Variants in ZGPAT observed in about 807,000 individuals in gnomAD.
ZGPAT encodes zinc finger CCCH-type with G patch domain-containing protein.
ZGPAT carries 39 observed loss-of-function variants against 47.9 expected under a neutral mutation model. The ratio of observed to expected loss-of-function variants is 0.81; its 90% CI spans 0.63 to 1.06. The LOEUF is 1.06. Among genes scored for constraint, ZGPAT ranks in the 50% least tolerant of loss-of-function variants. The pLI, the probability that ZGPAT is intolerant of heterozygous loss-of-function variation, is 0.00. For synonymous variants in ZGPAT, 348 were observed against 292.9 expected (o/e 1.19, Z -1.92); for missense variants, 717 against 681.4 (o/e 1.05, Z -0.58).
At chr20:63,719,451 T>G (rs1335671774) in intron 2 of ZGPAT, among the ~76,000 whole-genome samples, 1 of 152,162 alleles carries the variant, frequency 6.6e-6, no homozygotes, top group East Asian at 1.9e-4. Flanking sequence ...TCTAGGCATT[T>G]TTCTTTGTTC....
At chr20:63,721,317 A>G (rs2091785162) in intron 2 of ZGPAT, among the ~76,000 whole-genome samples, 1 of 150,446 alleles carries the variant, frequency 6.6e-6, no homozygotes, top group African/African-American at 2.5e-5. Flanking sequence ...GCGCCATTGC[A>G]CTCCAGCCTG....
chr20:63,707,540 G>A (rs1458106279), upstream of ZGPAT: 1 of 164,080 alleles, frequency 6.1e-6, no homozygotes, highest in Non-Finnish European at 1.3e-5. Context: ...GCGCTCCCCA[G>A]GAGCCCCTGC....
At chr20:63,732,240 T>C (rs1601344451) in intron 2 of ZGPAT, among the ~76,000 whole-genome samples, 1 of 148,966 alleles carries the variant, frequency 6.7e-6, no homozygotes, top group East Asian at 2.1e-4. Flanking sequence ...GGTGCATGTG[T>C]GCGTGCACGT....
chr20:63,731,707 G>C (rs2091906133), intron 2 of ZGPAT, among the ~76,000 whole-genome samples: 1 of 143,488 alleles, frequency 7.0e-6, no homozygotes, highest in Non-Finnish European at 1.5e-5. Context: ...TTGGCCCTTT[G>C]TGTGTGTGAG....
At chr20:63,718,890 C>A (rs1165492099) in intron 2 of ZGPAT, among the ~76,000 whole-genome samples, 2 of 151,014 alleles carry the variant, frequency 1.3e-5, no homozygotes, top group East Asian at 3.9e-4. Flanking sequence ...CATGGTGAAA[C>A]CCTGTCTCTA....
chr20:63,732,288 CGT>C (rs56046298), intron 2 of ZGPAT, among the ~76,000 whole-genome samples: 97,148 of 142,700 alleles, frequency 0.68, 32,576 homozygotes, highest in Middle Eastern at 0.73. Context: ...TGGGTGAGGG[CGT>C]GTGTGTGTGC....
At chr20:63,730,945 T>G (rs1160316783) in intron 2 of ZGPAT, among the ~76,000 whole-genome samples, 1 of 147,274 alleles carries the variant, frequency 6.8e-6, no homozygotes, top group African/African-American at 2.7e-5. Flanking sequence ...TCTCTCTCTC[T>G]CTCTCTCTCT....
Position 63,735,260 on chromosome 20 carries a change from A to T in ZGPAT, c.1093A>T (p.Thr365Ser). The T allele has an allele frequency of 6.2e-7, 1 of 1,606,958 alleles. No homozygotes were observed. The highest frequency in any genetic ancestry group is 8.5e-7 in the Non-Finnish European group (1 of 1,176,732). Residue 365 changes from threonine (T) to serine (S), a missense_variant, in exon 6 of 7, where the codon ACC becomes TCC. Thr to Ser is a moderately conservative substitution (Grantham distance 58). Coordinates refer to ENST00000355969, the MANE Select transcript of ZGPAT (RefSeq NM_181485.3). ...DQCVETLQKQ[T>S]RVGKAGTNKP... ...GTGTGTGGAGACCCTGCAGAAGCAG[A>T]CCAGGGTTGGCAAGGCTGGCACCAA...
chr20:63,716,365 A>G (rs2091728852), intron 2 of ZGPAT, among the ~76,000 whole-genome samples: 1 of 152,168 alleles, frequency 6.6e-6, no homozygotes, highest in African/African-American at 2.4e-5. Flanking sequence ...GCATGTTTCT[A>G]GGAATTTGTC....
In ZGPAT at chr20:63,708,709, G is replaced by C. The variant is rs2091607794; in HGVS notation, c.129G>C (p.Leu43=). The C allele has an allele frequency of 1.2e-6, 2 of 1,612,682 alleles. No homozygotes were observed. The highest frequency in any genetic ancestry group is 2.2e-5 in the South Asian group (2 of 91,094). The change falls in exon 2 of 7, where the codon CTG becomes CTC. Residue 43 remains leucine (L), a synonymous_variant. Transcript: ENST00000355969. The part of the protein sequence containing the change: ...QADLRQLQGD[L]KELIELTEAS... ...ACCTGCGCCAGCTGCAGGGGGACCT[G>C]AAGGAGCTCATCGAGCTCACCGAGG... is the stretch of plus-strand genomic sequence containing the variant.
At chr20:63,720,921 C>T (rs771652363) in intron 2 of ZGPAT, among the ~76,000 whole-genome samples, 5 of 152,110 alleles carry the variant, frequency 3.3e-5, no homozygotes, top group East Asian at 1.9e-4. Context: ...TGTGGATTGT[C>T]GTTTCTCGTT....
chr20:63,733,055 CGT>C (rs372157921), intron 2 of ZGPAT, among the ~76,000 whole-genome samples, 162 bp from the exon 3 acceptor site: 48 of 151,334 alleles, frequency 3.2e-4, no homozygotes, highest in African/African-American at 1.0e-3. Flanking sequence ...TGTATGTGTG[CGT>C]GTGTATGTGT....
At chr20:63,709,463 C>A (rs1049165210) in intron 2 of ZGPAT, among the ~76,000 whole-genome samples, 3 of 152,122 alleles carry the variant, frequency 2.0e-5, no homozygotes, top group African/African-American at 7.2e-5. Context: ...CATGGTGAAA[C>A]CCCATCTCCT....
chr20:63,723,608 T>C (rs2091813157), intron 2 of ZGPAT, among the ~76,000 whole-genome samples: 1 of 149,616 alleles, frequency 6.7e-6, no homozygotes, highest in African/African-American at 2.5e-5. Flanking sequence ...TCCTCCCTTC[T>C]CCTCTGACAT....
chr20:63,727,369 G>A (rs984091017), intron 2 of ZGPAT, among the ~76,000 whole-genome samples: 2 of 151,560 alleles, frequency 1.3e-5, no homozygotes, highest in Admixed American at 1.3e-4. Context: ...AGCCTCCCAA[G>A]TAGCAGGGAG....
At chr20:63,733,094 G>A in intron 2 of ZGPAT, 125 bp from the exon 3 acceptor site, 1 of 1,241,336 alleles carries the variant, frequency 8.1e-7, no homozygotes, top group Non-Finnish European at 1.1e-6. Flanking sequence ...GAGTGTGTAT[G>A]TATACGCACG....
In ZGPAT at chr20:63,708,570, C is replaced by T. The variant is rs765144601; in HGVS notation, c.-11C>T. On this transcript the variant is annotated 5_prime_UTR_variant, in exon 2 of 7. Transcript: ENST00000355969. The stretch of plus-strand genomic sequence containing the variant: ...TCTTGCAGCCCTGGTCCAGCGCCTC[C>T]CTCTCTCAGCATGGACGAGGAGAGC... 1.5e-5 allele frequency: 24 copies of T among 1,575,972 alleles called. No individual in the cohort carries two copies. In the East Asian group the frequency reaches 3.2e-4, roughly 21 times the overall value.
At chr20:63,708,361 G>A (rs956563167) in intron 1 of ZGPAT, among the ~76,000 whole-genome samples, 192 bp from the exon 2 acceptor site, 5 of 152,144 alleles carry the variant, frequency 3.3e-5, no homozygotes, top group African/African-American at 1.2e-4. Context: ...GGCTAGCGGC[G>A]AGCCCACGGC....
Position 63,735,795 on chromosome 20 carries a change from C to A in ZGPAT, c.1412C>A (p.Ser471Ter). Residue 471 changes from serine (S) to a stop codon, truncating the protein, a stop_gained, in exon 7 of 7, where the codon TCA becomes TAA. Coordinates refer to ENST00000355969, the MANE Select transcript of ZGPAT (RefSeq NM_181485.3). LOFTEE classifies it high-confidence loss of function. ...CCCCTCCGCAGGCATAGCGTGGCGT[C>A]AGCCCAGCTGCAGGAGAAGCTGGCA... The part of the protein sequence containing the change: ...ARNAGRHSVA[S>*]AQLQEKLAGA... The A allele has an allele frequency of 6.2e-7, 1 of 1,607,372 alleles. No homozygotes were observed. The highest frequency in any genetic ancestry group is 8.5e-7 in the Non-Finnish European group (1 of 1,177,568).
Sources: gnomAD v4.1 joint callset for allele counts (sites outside exome capture counted in the v4.1 genomes callset) on GRCh38, gnomAD v4.1.1 for gene constraint, MANE v1.5 for transcripts, NCBI Gene and HGNC (gene_info 2026-07-23, HGNC 2026-07-21) for gene names.